Variants in MGAT5 observed in about 807,000 individuals in gnomAD.
The protein encoded by MGAT5 is alpha-1,6-mannosylglycoprotein 6-beta-N-acetylglucosaminyltransferase A.
In MGAT5, 30 loss-of-function variants were observed where a neutral mutation model predicts 94.3. That is an observed-to-expected ratio of 0.32 (90% confidence interval 0.24 to 0.43). The LOEUF is 0.43. MGAT5 is among the 20% of genes least tolerant of loss of function. MGAT5 has a pLI of 1.00. For missense variants in MGAT5, 691 were observed against 905.5 expected, an observed-to-expected ratio of 0.76 and a Z score of 3.04; for synonymous variants, 310 against 322.9, an observed-to-expected ratio of 0.96 and a Z score of 0.43.
chr2:134,215,263 T>C (rs1055794422), intron 1 of MGAT5, among the ~76,000 whole-genome samples: 7 of 152,254 alleles, frequency 4.6e-5, no homozygotes, highest in African/African-American at 1.4e-4. Context: ...TGCCATTGAA[T>C]GGTGAACATA....
chr2:134,295,932 A>G (rs1685647044), intron 2 of MGAT5, among the ~76,000 whole-genome samples: 1 of 152,192 alleles, frequency 6.6e-6, no homozygotes, highest in South Asian at 2.1e-4. Context: ...GTGCAACCCA[A>G]AAATAACTAC....
intron 1 of MGAT5, among the ~76,000 whole-genome samples, chr2:134,255,061 G>A (rs944219012): frequency 2.0e-5 from 3 of 152,164 alleles, no homozygotes; most frequent in African/African-American, 7.2e-5. Context: ...TTCTATGGAA[G>A]CCAGTAAACT....
At chr2:134,414,091 TA>T (rs1683823990) in intron 12 of MGAT5, among the ~76,000 whole-genome samples, 1 of 151,858 alleles carries the variant, frequency 6.6e-6, no homozygotes, top group South Asian at 2.1e-4. Flanking sequence ...TGTTTATCTA[TA>T]AAAGGTTAAT....
At chr2:134,222,442 C>G (rs1680829522) in intron 1 of MGAT5, among the ~76,000 whole-genome samples, 1 of 152,218 alleles carries the variant, frequency 6.6e-6, no homozygotes, top group Non-Finnish European at 1.5e-5. Flanking sequence ...TATGATATAT[C>G]TTACTTGAAA....
At chr2:134,158,383 G>C (rs1333969210) in intron 1 of MGAT5, among the ~76,000 whole-genome samples, 1 of 152,236 alleles carries the variant, frequency 6.6e-6, no homozygotes, top group Non-Finnish European at 1.5e-5. Context: ...AAAGTCTGGA[G>C]GGGTGGCAGA....
At chr2:134,121,760 G>A (rs1402759701) in intron 1 of MGAT5, among the ~76,000 whole-genome samples, 1 of 152,198 alleles carries the variant, frequency 6.6e-6, no homozygotes, top group Non-Finnish European at 1.5e-5. Context: ...CTCATTCTAA[G>A]GAGATGCGAG....
chr2:134,177,936 G>A (rs937320681), intron 1 of MGAT5, among the ~76,000 whole-genome samples: 6 of 152,308 alleles, frequency 3.9e-5, no homozygotes, highest in Admixed American at 6.5e-5. Context: ...TAGGTGTATC[G>A]GTGTGAGGCC....
intron 10 of MGAT5, among the ~76,000 whole-genome samples, chr2:134,380,835 G>A (rs1020837542): frequency 5.3e-5 from 8 of 152,192 alleles, no homozygotes; most frequent in Admixed American, 3.3e-4. Flanking sequence ...CTGTAGAGCA[G>A]ACACTGTTGT....
intron 10 of MGAT5, among the ~76,000 whole-genome samples, chr2:134,387,249 G>A (rs1469041257): frequency 2.9e-5 from 4 of 138,812 alleles, no homozygotes; most frequent in African/African-American, 1.1e-4. Context: ...CACCAAGAGT[G>A]AACTCCATCT....
intron 2 of MGAT5, among the ~76,000 whole-genome samples, chr2:134,306,010 T>C (rs1439769500): frequency 6.6e-6 from 1 of 152,196 alleles, no homozygotes. Flanking sequence ...TCTTATTCTT[T>C]TAAATGTATG....
chr2:134,290,849 A>G (rs189023324), intron 2 of MGAT5, among the ~76,000 whole-genome samples: 109 of 152,356 alleles, frequency 7.2e-4, no homozygotes, highest in African/African-American at 2.5e-3. Context: ...ATTCTCTCAG[A>G]TGAGCCATGC....
At chr2:134,179,451 C>T (rs900868450) in intron 1 of MGAT5, among the ~76,000 whole-genome samples, 2 of 152,114 alleles carry the variant, frequency 1.3e-5, no homozygotes, top group Admixed American at 1.3e-4. Context: ...CAGGGGCTCG[C>T]GGGTACCCAA....
intron 2 of MGAT5, among the ~76,000 whole-genome samples, chr2:134,297,654 C>T (rs1159675453): frequency 1.3e-5 from 2 of 152,056 alleles, no homozygotes; most frequent in African/African-American, 4.8e-5. Flanking sequence ...TTAATATAAG[C>T]AGAAAAGCAT....
chr2:134,242,948 T>C (rs1370859371), intron 1 of MGAT5, among the ~76,000 whole-genome samples: 1 of 151,900 alleles, frequency 6.6e-6, no homozygotes, highest in African/African-American at 2.4e-5. Context: ...GGCATTGGCC[T>C]AAGACCAGTT....
chr2:134,381,244 G>A (rs1681523923), intron 10 of MGAT5, among the ~76,000 whole-genome samples: 1 of 151,990 alleles, frequency 6.6e-6, no homozygotes, highest in Admixed American at 6.6e-5. Context: ...AAGCCAGGAC[G>A]ATTGCTTGTA....
At chr2:134,324,345 A>G (rs1687517209) in intron 4 of MGAT5, among the ~76,000 whole-genome samples, 1 of 152,158 alleles carries the variant, frequency 6.6e-6, no homozygotes, top group Non-Finnish European at 1.5e-5. Context: ...ACAAAGGAGC[A>G]AAAGAAGCAG....
Position 134,330,581 on chromosome 2 carries a change from G to GTGTGTGTGTA in MGAT5, c.574-5633_574-5632insGTGTGTATGT, listed in dbSNP as rs56795876. ...TGTGTGTGTGTGTGTGTGTGTGTGT[G>GTGTGTGTGTA]TGTTACGAAGCCCAACATATTCTAA... On this transcript the variant is annotated intron_variant, in intron 4 of 15. Transcript: ENST00000281923. Among the ~76,000 whole-genome samples the GTGTGTGTGTA allele has an allele frequency of 6.1e-3, 834 of 137,182 alleles. 2 individuals are homozygous for GTGTGTGTGTA. The highest frequency in any genetic ancestry group is 0.014 in the Middle Eastern group (4 of 282). The allele number at this position is 137,182 out of a possible 152,430, so 90.0% of individuals were successfully genotyped here.
rs148236616 is a variant in MGAT5, at chr2:134,201,760, A to G, written c.-142-52502A>G. On this transcript the variant is annotated intron_variant, in intron 1 of 16. Transcript: ENST00000409645. ...GCCTTGGTGGCCGCCAGGCGCCAGC[A>G]TCTTTATCAGCTCTGACATGCTGCT... Among the ~76,000 whole-genome samples the G allele has an allele frequency of 5.8e-3, 863 of 147,754 alleles. 16 individuals are homozygous for G. Among genetic ancestry groups the G allele is most frequent in the African/African-American group, 0.021 (828 of 39,630 alleles).
At chr2:134,275,578 C>CTTTTTTT (rs11409592) in intron 2 of MGAT5, among the ~76,000 whole-genome samples, 22 of 79,586 alleles carry the variant, frequency 2.8e-4, no homozygotes, top group Non-Finnish European at 3.8e-4. Flanking sequence ...GTGCTATTTC[C>CTTTTTTT]TTTTTTTTTT....
Sources: allele counts gnomAD v4.1 joint callset (sites outside exome capture counted in the v4.1 genomes callset), GRCh38; gene constraint gnomAD v4.1.1; transcripts MANE v1.5; gene names NCBI Gene and HGNC (gene_info 2026-07-23, HGNC 2026-07-21).